OR2AJ1: variants seen among roughly 807,000 people sequenced by gnomAD.
OR2AJ1 encodes olfactory receptor 2AJ1.
For missense variants in OR2AJ1, 280 were observed against 163.2 expected (o/e 1.72, Z -3.90); for synonymous variants, 105 against 60.3 (o/e 1.74, Z -3.44).
At position 247,934,566 on chromosome 1, in the gene OR2AJ1, C is replaced by G; in HGVS notation, c.798C>G (p.His266Gln). The change falls in exon 2 of 2, where the codon CAC becomes CAG. Residue 266 changes from histidine (H) to glutamine (Q), a missense_variant. By Grantham distance (24) the His-to-Gln change is conservative. Coordinates refer to ENST00000318244, the MANE Select transcript of OR2AJ1 (RefSeq NM_001355235.2). ...IFTYMRPKSY[H>Q]TPGQDKFLAI... ...CATATATGAGACCTAAATCATACCA[C>G]ACTCCAGGCCAGGATAAGTTCCTGG... The G allele has an allele frequency of 1.4e-6, 1 of 717,678 alleles. No individual in the cohort carries two copies. Among genetic ancestry groups the G allele is most frequent in the Non-Finnish European group, 2.6e-6 (1 of 385,140 alleles). 44.5% of individuals were successfully genotyped at this position (717,678 alleles called of 1,614,324 possible). A position where few individuals can be genotyped will look rare whatever the true frequency, so the allele number is the denominator to read the frequency against.
In OR2AJ1 at chr1:247,935,136, T is replaced by C. The variant is rs2103008004; in HGVS notation, c.*381T>C. 1 of 173,624 alleles carries C rather than the reference T, an allele frequency of 5.8e-6. No homozygotes were observed. The highest frequency in any genetic ancestry group is 1.7e-4 in the East Asian group (1 of 5,810). The allele number at this position is 173,624 out of a possible 1,614,324, so 10.8% of individuals were successfully genotyped here. A position where few individuals can be genotyped will look rare whatever the true frequency, so the allele number is the denominator to read the frequency against. On this transcript the variant is annotated 3_prime_UTR_variant, in exon 2 of 2. Coordinates refer to ENST00000318244, the MANE Select transcript of OR2AJ1 (RefSeq NM_001355235.2). ...ATTCACAAATTCCATATGAAATCAT[T>C]ATTCTTTGCCTGGTTTATCAACACC...
chr1:247,928,878 A>G (rs1400719339), intron 1 of OR2AJ1, among the ~76,000 whole-genome samples: 1 of 152,144 alleles, frequency 6.6e-6, no homozygotes, highest in African/African-American at 2.4e-5. Flanking sequence ...GCGGATCACG[A>G]GGTCAGGAGA....
At chr1:247,930,833 C>G (rs1212368352) in intron 1 of OR2AJ1, among the ~76,000 whole-genome samples, 1 of 152,088 alleles carries the variant, frequency 6.6e-6, no homozygotes, top group Non-Finnish European at 1.5e-5. Flanking sequence ...AAAATGTGGG[C>G]TCTTCTTTTG....
intron 1 of OR2AJ1, among the ~76,000 whole-genome samples, chr1:247,929,106 G>A (rs1166436747): frequency 1.3e-5 from 2 of 152,118 alleles, no homozygotes; most frequent in African/African-American, 4.8e-5. Context: ...AAAAAAAATG[G>A]TGAATTAAAA....
In OR2AJ1 at chr1:247,934,828, G is replaced by T; in HGVS notation, c.*73G>T. 2 of 604,328 alleles carry T rather than the reference G, an allele frequency of 3.3e-6. No homozygotes were observed. Among genetic ancestry groups the T allele is most frequent in the Middle Eastern group, 5.2e-4 (2 of 3,810 alleles). The allele number at this position is 604,328 out of a possible 1,614,324, so 37.4% of individuals were successfully genotyped here. The stretch of plus-strand genomic sequence containing the variant: ...TTCTATCTTACCACATATAAGAAGT[G>T]AATATTTCAGAAACATTGTTAATAA... On this transcript the variant is annotated 3_prime_UTR_variant, in exon 2 of 2. Transcript: ENST00000318244.
chr1:247,932,194 C>T (rs77579514), intron 1 of OR2AJ1, among the ~76,000 whole-genome samples: 10 of 152,174 alleles, frequency 6.6e-5, no homozygotes, highest in East Asian at 5.8e-4. Flanking sequence ...AAAACTTAGC[C>T]GGGTTTGGTA....
chr1:247,926,107 T>G (rs1660088474), intron 1 of OR2AJ1, among the ~76,000 whole-genome samples: 1 of 152,202 alleles, frequency 6.6e-6, no homozygotes, highest in Non-Finnish European at 1.5e-5. Flanking sequence ...AATTAAATCA[T>G]GCCATTTTAT....
chr1:247,927,280 T>A (rs1368941557), intron 1 of OR2AJ1, among the ~76,000 whole-genome samples: 1 of 152,166 alleles, frequency 6.6e-6, no homozygotes, highest in African/African-American at 2.4e-5. Flanking sequence ...TTCTTTTTTC[T>A]GACAGCATTA....
chr1:247,929,050 C>G lies in OR2AJ1; in HGVS notation c.-23+3882C>G, dbSNP rs551644309. On this transcript the variant is annotated intron_variant, in intron 1 of 1. Coordinates refer to ENST00000318244, the MANE Select transcript of OR2AJ1 (RefSeq NM_001355235.2). ...CAGTAACAAGGAGAAGACATGTGGTCACTCACTCCGTAATGATTGTATGGA... is the reference window on the plus strand; with the variant it reads ...CAGTAACAAGGAGAAGACATGTGGTGACTCACTCCGTAATGATTGTATGGA... 1.7e-3 allele frequency among the ~76,000 whole-genome samples: 253 copies of G among 152,188 alleles called. 1 individual carries two copies. Among genetic ancestry groups the G allele is most frequent in the African/African-American group, 5.6e-3 (231 of 41,518 alleles).
At chr1:247,928,464 T>G (rs1248450194) in intron 1 of OR2AJ1, among the ~76,000 whole-genome samples, 1 of 152,184 alleles carries the variant, frequency 6.6e-6, no homozygotes, top group Non-Finnish European at 1.5e-5. Flanking sequence ...GTTTTTTCAT[T>G]GAGATGAATG....
At chr1:247,926,548 T>A (rs1284069491) in intron 1 of OR2AJ1, among the ~76,000 whole-genome samples, 1 of 152,220 alleles carries the variant, frequency 6.6e-6, no homozygotes, top group Non-Finnish European at 1.5e-5. Flanking sequence ...GCTTTTTTGA[T>A]CTCTAGGGGA....
Position 247,925,095 on chromosome 1 carries a change from A to T in OR2AJ1, c.-96A>T, listed in dbSNP as rs976384437. The T allele has an allele frequency of 2.6e-5, 4 of 152,402 alleles. No homozygotes were observed. The highest frequency in any genetic ancestry group is 9.7e-5 in the African/African-American group (4 of 41,422). 9.4% of individuals were successfully genotyped at this position (152,402 alleles called of 1,614,324 possible). ...GAACAGCAGCTGGACACCATGAGGG[A>T]GGAAGGGGTGTTGAGCCCAGTGTGC... On this transcript the variant is annotated 5_prime_UTR_variant, in exon 1 of 2. Coordinates refer to ENST00000318244, the MANE Select transcript of OR2AJ1 (RefSeq NM_001355235.2).
intron 1 of OR2AJ1, among the ~76,000 whole-genome samples, chr1:247,925,964 A>C (rs1306953713): frequency 1.3e-5 from 2 of 152,176 alleles, no homozygotes; most frequent in African/African-American, 4.8e-5. Flanking sequence ...TTCTTCTGTA[A>C]ATTCTGAACA....
At position 247,934,361 on chromosome 1, in the gene OR2AJ1, G is replaced by A; in HGVS notation, c.593G>A (p.Gly198Glu). 1 of 724,254 alleles carries A rather than the reference G, an allele frequency of 1.4e-6. No homozygotes were observed. The highest frequency in any genetic ancestry group is 2.6e-6 in the Non-Finnish European group (1 of 388,860). 44.9% of individuals were successfully genotyped at this position (724,254 alleles called of 1,614,324 possible). A position where few individuals can be genotyped will look rare whatever the true frequency, so the allele number is the denominator to read the frequency against. Reference sequence around the variant, plus strand: ...GCAGACACAACACGCTATGAACGAGGGGTTTGTGTAAGTGCTGTGATCTTC... The same window carrying A: ...GCAGACACAACACGCTATGAACGAGAGGTTTGTGTAAGTGCTGTGATCTTC... ...SCADTTRYER[G>E]VCVSAVIFLL... Residue 198 changes from glycine to glutamate, a missense_variant, in exon 2 of 2, where the codon GGG (glycine) becomes GAG (glutamate). Transcript: ENST00000318244.
At chr1:247,932,071 G>T (rs1446647163) in intron 1 of OR2AJ1, among the ~76,000 whole-genome samples, 1 of 152,232 alleles carries the variant, frequency 6.6e-6, no homozygotes, top group Non-Finnish European at 1.5e-5. Context: ...GGGTGCGGTG[G>T]CTCACGCCTG....
chr1:247,933,236 C>G (rs1210072601), intron 1 of OR2AJ1, among the ~76,000 whole-genome samples: 1 of 152,128 alleles, frequency 6.6e-6, no homozygotes, highest in African/African-American at 2.4e-5. Context: ...TACCAGTGAT[C>G]AGAACAAGGA....
chr1:247,926,112 T>C (rs1416701748), intron 1 of OR2AJ1, among the ~76,000 whole-genome samples: 7 of 152,224 alleles, frequency 4.6e-5, no homozygotes, highest in Non-Finnish European at 8.8e-5. Flanking sequence ...AATCATGCCA[T>C]TTTATTTAGA....
At position 247,934,552 on chromosome 1, in the gene OR2AJ1, C is replaced by A. The variant is rs972676848; in HGVS notation, c.784C>A (p.Pro262Thr). 1.4e-6 allele frequency: 1 copy of A among 717,598 alleles called. No individual in the cohort carries two copies. Among genetic ancestry groups the A allele is most frequent in the Non-Finnish European group, 2.6e-6 (1 of 385,122 alleles). 44.5% of individuals were successfully genotyped at this position (717,598 alleles called of 1,614,324 possible). The part of the protein sequence containing the change: ...YGPFIFTYMR[P>T]KSYHTPGQDK... Reference sequence around the variant, plus strand: ...GCCATTTATTTTTACATATATGAGACCTAAATCATACCACACTCCAGGCCA... The same window carrying A: ...GCCATTTATTTTTACATATATGAGAACTAAATCATACCACACTCCAGGCCA... Residue 262 changes from proline to threonine, a missense_variant, in exon 2 of 2, where the codon CCT becomes ACT. By Grantham distance (38) the Pro-to-Thr change is conservative. Transcript: ENST00000318244.
chr1:247,933,881 G>C lies in OR2AJ1; in HGVS notation c.113G>C (p.Ser38Thr), dbSNP rs769818514. The C allele has an allele frequency of 1.4e-6, 1 of 711,706 alleles. No individual in the cohort carries two copies. Among genetic ancestry groups the C allele is most frequent in the Admixed American group, 2.0e-5 (1 of 49,674 alleles). The allele number at this position is 711,706 out of a possible 1,614,324, so 44.1% of individuals were successfully genotyped here. A position where few individuals can be genotyped will look rare whatever the true frequency, so the allele number is the denominator to read the frequency against. The change falls in exon 2 of 2, where the codon AGT (serine) becomes ACT (threonine). Residue 38 changes from serine (S) to threonine (T), a missense_variant. Transcript: ENST00000318244. ...FLVLFVIFIM[S>T]VTENTLMILL... is the part of the protein sequence containing the mutation. ...GTTTTATTTGTCATTTTCATTATGAGTGTAACAGAAAATACGCTCATGATC... is the reference window on the plus strand; with the variant it reads ...GTTTTATTTGTCATTTTCATTATGACTGTAACAGAAAATACGCTCATGATC...
Sources: gnomAD v4.1 joint callset for allele counts (sites outside exome capture counted in the v4.1 genomes callset) on GRCh38, gnomAD v4.1.1 for gene constraint, MANE v1.5 for transcripts, NCBI Gene and HGNC (gene_info 2026-07-23, HGNC 2026-07-21) for gene names.